The following PTPRG variants were observed in gnomAD, a reference collection of about 807,000 sequenced individuals.
PTPRG encodes the protein protein tyrosine phosphatase receptor type G, also known as receptor-type tyrosine-protein phosphatase gamma.
A neutral mutation model predicts 165.3 loss-of-function variants in PTPRG; 102 were observed. That is an observed-to-expected ratio of 0.62 (90% CI 0.53 to 0.73). PTPRG has a LOEUF of 0.73. Among genes scored for constraint, PTPRG ranks in the 30% least tolerant of loss-of-function variants. The probability of loss-of-function intolerance (pLI) is 0.00; values close to 1 mark genes in which losing one functional copy is unlikely to be tolerated. For synonymous variants in PTPRG, 675 were observed against 669.5 expected (o/e 1.01, Z -0.13); for missense variants, 1,866 against 1,861.4 (o/e 1.00, Z -0.05).
rs776924029 is a variant in PTPRG, at chr3:62,293,330, A to T, written c.*23A>T. Reference sequence around the variant, plus strand: ...TGACTGGAATCCTGAAAGGGCACTTAATTTGTAAACTTCTGAAGACTGAGA... The same window carrying T: ...TGACTGGAATCCTGAAAGGGCACTTTATTTGTAAACTTCTGAAGACTGAGA... On this transcript the variant is annotated 3_prime_UTR_variant, in exon 30 of 30. Coordinates refer to ENST00000474889, the MANE Select transcript of PTPRG (RefSeq NM_002841.4). 1 of 1,528,360 alleles carries T rather than the reference A, an allele frequency of 6.5e-7. No individual in the cohort carries two copies. Among genetic ancestry groups the T allele is most frequent in the East Asian group, 2.3e-5 (1 of 42,972 alleles). 94.7% of individuals were successfully genotyped at this position (1,528,360 alleles called of 1,614,324 possible).
chr3:61,663,988 C>G (rs1702738633), intron 1 of PTPRG, among the ~76,000 whole-genome samples: 1 of 152,196 alleles, frequency 6.6e-6, no homozygotes, highest in Non-Finnish European at 1.5e-5. Flanking sequence ...ATTTAAAGCA[C>G]TTACACAGTA....
chr3:61,752,478 A>AAT, intron 2 of PTPRG, among the ~76,000 whole-genome samples: 1 of 152,098 alleles, frequency 6.6e-6, no homozygotes, highest in Non-Finnish European at 1.5e-5. Flanking sequence ...CTAGAATATT[A>AAT]CTGTATCTGG....
intron 1 of PTPRG, among the ~76,000 whole-genome samples, chr3:61,748,016 G>A (rs1348727743): frequency 2.0e-5 from 3 of 152,228 alleles, no homozygotes; most frequent in Admixed American, 6.5e-5. Context: ...GAACGCTATA[G>A]CAGGCAGATG....
rs1057426736 is a variant in PTPRG, at chr3:61,841,077, C to T, written c.190+92095C>T. Among the ~76,000 whole-genome samples, 12 of 152,248 alleles carry T rather than the reference C, an allele frequency of 7.9e-5. No homozygotes were observed. The South Asian group carries it at 8.3e-4, about 11-fold the overall frequency. On this transcript the variant is annotated intron_variant, in intron 2 of 29. Transcript: ENST00000474889. Reference sequence around the variant, plus strand: ...GATTACAGATGTGAGCCACCACACCCGGCCGATAGGTAGCTATCTTAATAA... The same window carrying T: ...GATTACAGATGTGAGCCACCACACCTGGCCGATAGGTAGCTATCTTAATAA...
At chr3:62,061,635 T>G (rs74323985) in intron 4 of PTPRG, among the ~76,000 whole-genome samples, 1 of 145,508 alleles carries the variant, frequency 6.9e-6, no homozygotes, top group African/African-American at 2.5e-5. Flanking sequence ...TTCTTTTCTT[T>G]TTTTTTTTTT....
At chr3:62,054,560 T>C (rs1700570223) in intron 4 of PTPRG, among the ~76,000 whole-genome samples, 1 of 152,164 alleles carries the variant, frequency 6.6e-6, no homozygotes, top group Admixed American at 6.5e-5. Flanking sequence ...GGGTGTCACC[T>C]GACTTCACCT....
At chr3:62,220,125 A>T (rs1700615485) in intron 13 of PTPRG, among the ~76,000 whole-genome samples, 1 of 152,260 alleles carries the variant, frequency 6.6e-6, no homozygotes. Flanking sequence ...GGTGTGCACC[A>T]GGAACAGCCA....
intron 2 of PTPRG, chr3:61,769,748 C>T (rs1177293794): frequency 2.0e-5 from 3 of 151,976 alleles, no homozygotes; most frequent in Admixed American, 6.6e-5. Context: ...AAAAACTGGG[C>T]GTAGAGAGTA....
At chr3:62,098,198 A>T (rs1364828096) in intron 5 of PTPRG, among the ~76,000 whole-genome samples, 1 of 152,164 alleles carries the variant, frequency 6.6e-6, no homozygotes, top group African/African-American at 2.4e-5. Flanking sequence ...AGCCCTCCAT[A>T]TCCTTGGGTT....
At chr3:61,795,207 T>G (rs943962893) in intron 2 of PTPRG, among the ~76,000 whole-genome samples, 2 of 152,170 alleles carry the variant, frequency 1.3e-5, no homozygotes, top group African/African-American at 2.4e-5. Flanking sequence ...GGGATTTCAG[T>G]CATGGTGATC....
At chr3:62,196,035 G>A (rs1699953962) in intron 10 of PTPRG, among the ~76,000 whole-genome samples, 2 of 151,944 alleles carry the variant, frequency 1.3e-5, no homozygotes, top group African/African-American at 4.8e-5. Context: ...TGATCTGCCT[G>A]CCTTAGCCTC....
intron 2 of PTPRG, among the ~76,000 whole-genome samples, chr3:61,988,998 A>G (rs779429893): frequency 6.6e-6 from 1 of 152,186 alleles, no homozygotes; most frequent in Non-Finnish European, 1.5e-5. Context: ...TCTGAAGGTA[A>G]CTTTATACCT....
At chr3:62,095,233 C>G (rs115168420) in intron 5 of PTPRG, among the ~76,000 whole-genome samples, 8 of 152,174 alleles carry the variant, frequency 5.3e-5, no homozygotes, top group Non-Finnish European at 7.4e-5. Context: ...GGGACTCTTA[C>G]GCCGTGATGC....
At chr3:61,938,235 CTT>C (rs59553874) in intron 2 of PTPRG, among the ~76,000 whole-genome samples, 26 of 135,232 alleles carry the variant, frequency 1.9e-4, no homozygotes, top group Middle Eastern at 3.4e-3. Flanking sequence ...TTTCTTTTTC[CTT>C]TTTTTTTTTT....
chr3:62,292,683 C>A (rs537752037), intron 29 of PTPRG, 127 bp downstream of exon 29: 2 of 1,120,328 alleles, frequency 1.8e-6, no homozygotes, highest in South Asian at 1.6e-5. Flanking sequence ...TGTCTGGAGA[C>A]TTTTTTGCTT....
Position 61,820,603 on chromosome 3 carries a change from G to GTTTTTTTTTTTTTTTTTTTTTTTTTT in PTPRG, c.190+71622_190+71647dup, listed in dbSNP as rs11329820. On this transcript the variant is annotated intron_variant, in intron 2 of 29. Coordinates refer to ENST00000474889, the MANE Select transcript of PTPRG (RefSeq NM_002841.4). ...TTTAATTTCTTGTTCCTGTGTCTCTGTTTTTTTTTTTTTTTTTTTTTTTTT... is the reference window on the plus strand; with the variant it reads ...TTTAATTTCTTGTTCCTGTGTCTCTGTTTTTTTTTTTTTTTTTTTTTTTTTTTTTTTTTTTTTTTTTTTTTTTTTTT... 1.8e-4 allele frequency among the ~76,000 whole-genome samples: 12 copies of GTTTTTTTTTTTTTTTTTTTTTTTTTT among 65,732 alleles called. 2 individuals are homozygous for GTTTTTTTTTTTTTTTTTTTTTTTTTT. The highest frequency in any genetic ancestry group is 7.8e-4 in the African/African-American group (12 of 15,374). 43.1% of individuals were successfully genotyped at this position (65,732 alleles called of 152,430 possible).
intron 2 of PTPRG, among the ~76,000 whole-genome samples, chr3:61,850,925 A>G (rs682872): frequency 0.16 from 23,967 of 152,218 alleles, 1,898 homozygotes; most frequent in Middle Eastern, 0.19. Context: ...ATTTCTGGCA[A>G]GATGAAGCTT....
At position 62,267,798 on chromosome 3, in the gene PTPRG, G is replaced by A. The variant is rs557054933; in HGVS notation, c.2853G>A (p.Thr951=). ...EQNTGIIVMI[T]NLVEKGRRKC... Reference sequence around the variant, plus strand: ...ACACTGGAATCATTGTGATGATTACGAACCTTGTGGAAAAAGGAAGAGTAA... The same window carrying A: ...ACACTGGAATCATTGTGATGATTACAAACCTTGTGGAAAAAGGAAGAGTAA... The change falls in exon 19 of 30, where the codon ACG becomes ACA. Residue 951 remains threonine, a synonymous_variant. Transcript: ENST00000474889. 4.3e-6 allele frequency: 7 copies of A among 1,612,862 alleles called. No individual in the cohort carries two copies. The East Asian group carries it at 8.9e-5, about 21-fold the overall frequency.
At chr3:62,193,569 T>C (rs1699889993) in intron 9 of PTPRG, among the ~76,000 whole-genome samples, 2 of 152,216 alleles carry the variant, frequency 1.3e-5, no homozygotes. Context: ...ACATATCATT[T>C]GAGCAGCATT....
Sources: gnomAD v4.1 joint callset for allele counts (sites outside exome capture counted in the v4.1 genomes callset) on GRCh38, gnomAD v4.1.1 for gene constraint, MANE v1.5 for transcripts, NCBI Gene and HGNC (gene_info 2026-07-23, HGNC 2026-07-21) for gene names.